ZNF264: variants seen among roughly 807,000 people sequenced by gnomAD.
ZNF264 encodes zinc finger protein 264.
A neutral mutation model predicts 11.2 loss-of-function variants in ZNF264; 11 were observed. The observed-to-expected ratio is 0.98, with a 90% CI of 0.62 to 1.63. The LOEUF (loss-of-function observed/expected upper bound fraction) is 1.63. Ranked by LOEUF, ZNF264 falls within the 40% of genes most tolerant of loss-of-function variation. The pLI is 0.00. For missense variants in ZNF264, 752 were observed against 768.1 expected, an observed-to-expected ratio of 0.98 and a Z score of 0.25; for synonymous variants, 309 against 279.8, an observed-to-expected ratio of 1.10 and a Z score of -1.04.
At position 57,220,337 on chromosome 19, in the gene ZNF264, G is replaced by T. The variant is rs1285502085; in HGVS notation, c.*7356G>T. 1 of 152,200 alleles carries T rather than the reference G, an allele frequency of 6.6e-6. No individual in the cohort carries two copies. Among genetic ancestry groups the T allele is most frequent in the African/African-American group, 2.4e-5 (1 of 41,440 alleles). The allele number at this position is 152,200 out of a possible 1,614,324, so 9.4% of individuals were successfully genotyped here. On this transcript the variant is annotated 3_prime_UTR_variant, in exon 4 of 4. Coordinates refer to ENST00000263095, the MANE Select transcript of ZNF264 (RefSeq NM_003417.5). ...TCTTTAATGGGTGCAAATATCTGTT[G>T]TAACTATGTAGAAGATACAGTGTCT... is the stretch of plus-strand genomic sequence containing the variant.
chr19:57,193,770 G>A lies in ZNF264; in HGVS notation c.34-105G>A, dbSNP rs994070639. 247 of 1,505,154 alleles carry A rather than the reference G, an allele frequency of 1.6e-4. 1 individual carries two copies. In the East Asian group the frequency reaches 5.6e-3, roughly 34 times the overall value. 93.2% of individuals were successfully genotyped at this position (1,505,154 alleles called of 1,614,324 possible). On this transcript the variant is annotated intron_variant, in intron 1 of 3. Coordinates refer to ENST00000263095, the MANE Select transcript of ZNF264 (RefSeq NM_003417.5). ...GAGCTAGGCCCTCAGGAGGTGCTCT[G>A]TGATTCAGGCCGCCATCACTGTACA...
chr19:57,198,289 C>T lies in ZNF264; in HGVS notation c.160+4288C>T, dbSNP rs554731466. Among the ~76,000 whole-genome samples the T allele has an allele frequency of 4.6e-4, 70 of 152,112 alleles. 1 individual carries two copies. Among genetic ancestry groups the T allele is most frequent in the African/African-American group, 1.5e-3 (64 of 41,354 alleles). The stretch of plus-strand genomic sequence containing the variant: ...TAATTCACAGTCATTCTCTAAGATC[C>T]GTCTGTCTTCTGCTCAGGCCAGATG... On this transcript the variant is annotated intron_variant, in intron 2 of 3. Coordinates refer to ENST00000263095, the MANE Select transcript of ZNF264 (RefSeq NM_003417.5).
At position 57,191,543 on chromosome 19, in the gene ZNF264, G is replaced by A. The variant is rs1443688290; in HGVS notation, c.-371G>A. 2 of 240,568 alleles carry A rather than the reference G, an allele frequency of 8.3e-6. No homozygotes were observed. The highest frequency in any genetic ancestry group is 7.9e-6 in the Non-Finnish European group (1 of 126,016). The allele number at this position is 240,568 out of a possible 1,614,324, so 14.9% of individuals were successfully genotyped here. On this transcript the variant is annotated 5_prime_UTR_variant, in exon 1 of 4. Transcript: ENST00000263095. ...GTCTGGAGAGGTCTGTAGCCACTGA[G>A]GGCCCCGGTCGGGGCCGCTTTGCAG...
At chr19:57,200,000 C>T in intron 2 of ZNF264, among the ~76,000 whole-genome samples, 1 of 57,944 alleles carries the variant, frequency 1.7e-5, no homozygotes, top group Non-Finnish European at 3.2e-5. Context: ...AACCTCCACT[C>T]CTAAAAAAAA....
intron 2 of ZNF264, among the ~76,000 whole-genome samples, chr19:57,204,995 A>C (rs2087281213): frequency 6.6e-6 from 1 of 151,832 alleles, no homozygotes; most frequent in Admixed American, 6.6e-5. Flanking sequence ...CACGATGTGG[A>C]CTTCCTGGGG....
Position 57,193,974 on chromosome 19 carries a change from G to A in ZNF264, c.133G>A (p.Glu45Lys). The A allele has an allele frequency of 6.2e-7, 1 of 1,613,210 alleles. No homozygotes were observed. The highest frequency in any genetic ancestry group is 8.5e-7 in the Non-Finnish European group (1 of 1,179,494). ...QRTLYQEVML[E>K]NCGLLVSLGC... is the part of the protein sequence containing the mutation. ...GACCCTGTACCAGGAGGTGATGCTG[G>A]AAAACTGTGGGCTCCTGGTGTCTCT... The change falls in exon 2 of 4, where the codon GAA (glutamate) becomes AAA (lysine). Residue 45 changes from glutamate to lysine, a missense_variant. By Grantham distance (56) the Glu-to-Lys change is moderately conservative. Coordinates refer to ENST00000263095, the MANE Select transcript of ZNF264 (RefSeq NM_003417.5).
At chr19:57,195,037 G>A in intron 2 of ZNF264, 1 of 377,570 alleles carries the variant, frequency 2.6e-6, no homozygotes, top group East Asian at 3.8e-5. Flanking sequence ...AGGATGGGAA[G>A]CCTTCAACAT....
At chr19:57,209,195 T>C (rs1175471544) in intron 3 of ZNF264, among the ~76,000 whole-genome samples, 6 of 152,164 alleles carry the variant, frequency 3.9e-5, no homozygotes, top group Non-Finnish European at 7.4e-5. Flanking sequence ...ACTTTTCTTA[T>C]ATAATTAATG....
Position 57,215,036 on chromosome 19 carries a change from T to C in ZNF264, c.*2055T>C, listed in dbSNP as rs1188536788. 6.6e-6 allele frequency: 1 copy of C among 152,254 alleles called. No homozygotes were observed. The highest frequency in any genetic ancestry group is 1.5e-5 in the Non-Finnish European group (1 of 68,030). 9.4% of individuals were successfully genotyped at this position (152,254 alleles called of 1,614,324 possible). On this transcript the variant is annotated 3_prime_UTR_variant, in exon 4 of 4. Transcript: ENST00000263095. Reference sequence around the variant, plus strand: ...TAGTTCTTTTTTCTTTTGTTTCTTATGTTCTAAATGTCTTATGTGTGGTTT... The same window carrying C: ...TAGTTCTTTTTTCTTTTGTTTCTTACGTTCTAAATGTCTTATGTGTGGTTT...
Position 57,215,023 on chromosome 19 carries a change from C to G in ZNF264, c.*2042C>G. On this transcript the variant is annotated 3_prime_UTR_variant, in exon 4 of 4. Coordinates refer to ENST00000263095, the MANE Select transcript of ZNF264 (RefSeq NM_003417.5). ...GGCTAATAATGTGTAGTTCTTTTTT[C>G]TTTTGTTTCTTATGTTCTAAATGTC... The G allele has an allele frequency of 6.6e-6, 1 of 151,696 alleles. No individual in the cohort carries two copies. The allele number at this position is 151,696 out of a possible 1,614,324, so 9.4% of individuals were successfully genotyped here.
chr19:57,192,443 T>C (rs1306339066), intron 1 of ZNF264: 24 of 985,262 alleles, frequency 2.4e-5, no homozygotes, highest in Non-Finnish European at 2.9e-5. Context: ...TTGTGGCCAG[T>C]CAGATGCCCT....
rs145051524 is a variant in ZNF264 at position 57,193,721 on chromosome 19, A to G, written c.34-154A>G. On this transcript the variant is annotated intron_variant, in intron 1 of 3. Coordinates refer to ENST00000263095, the MANE Select transcript of ZNF264 (RefSeq NM_003417.5). ...CTCTGGTATTATGTTAAAAGCATCT[A>G]TCTTCCCTCTTGAGCCCAGCACAGA... 2.4e-4 allele frequency among the ~76,000 whole-genome samples: 37 copies of G among 152,246 alleles called. No homozygotes were observed. In the East Asian group the frequency reaches 4.6e-3, roughly 19 times the overall value.
intron 2 of ZNF264, among the ~76,000 whole-genome samples, chr19:57,200,208 G>GCC (rs1433934984): frequency 6.6e-6 from 1 of 151,824 alleles, no homozygotes; most frequent in Non-Finnish European, 1.5e-5. Context: ...CTCACCAGGT[G>GCC]TCTACTGTTA....
At chr19:57,205,531 G>C (rs1444481055) in intron 3 of ZNF264, 39 bp downstream of exon 3, 3 of 1,555,956 alleles carry the variant, frequency 1.9e-6, no homozygotes, top group Non-Finnish European at 2.6e-6. Flanking sequence ...GTCCCTTCTG[G>C]CTTAAGACTG....
At chr19:57,192,515 C>G (rs537107507) in intron 1 of ZNF264, 30 of 985,238 alleles carry the variant, frequency 3.0e-5, no homozygotes, top group Non-Finnish European at 3.5e-5. Flanking sequence ...CCCAAAGTAT[C>G]CTGGCGTCAG....
Position 57,191,947 on chromosome 19 carries a change from G to A in ZNF264, c.33+1G>A, listed in dbSNP as rs781429464. ...AGCGGTGCTGACGGACCGGGCCCAG[G>A]TGAGTGGACGGTGGCTTCGCGGTTG... On this transcript the variant is annotated splice_donor_variant, in intron 1 of 3. Coordinates refer to ENST00000263095, the MANE Select transcript of ZNF264 (RefSeq NM_003417.5). LOFTEE classifies it high-confidence loss of function. 6.5e-7 allele frequency: 1 copy of A among 1,541,392 alleles called. No individual in the cohort carries two copies. The highest frequency in any genetic ancestry group is 8.8e-7 in the Non-Finnish European group (1 of 1,142,394).
intron 1 of ZNF264, among the ~76,000 whole-genome samples, chr19:57,192,953 A>G (rs191890862): frequency 7.6e-4 from 115 of 151,590 alleles, no homozygotes; most frequent in South Asian, 7.5e-3. Context: ...CTGGTCTTCA[A>G]CTCCTGGCCT....
At chr19:57,210,665 C>T (rs930573073) in intron 3 of ZNF264, among the ~76,000 whole-genome samples, 12 of 152,298 alleles carry the variant, frequency 7.9e-5, no homozygotes, top group African/African-American at 2.6e-4. Flanking sequence ...CTGTGTGGCT[C>T]GGTCTCCAGC....
Position 57,213,189 on chromosome 19 carries a change from A to G in ZNF264, c.*208A>G, listed in dbSNP as rs1373206676. The stretch of plus-strand genomic sequence containing the variant: ...GAATTATTTTTAAAAGGAGGAGGGG[A>G]CATAGAAAAAATGAAATGCAAGCAC... On this transcript the variant is annotated 3_prime_UTR_variant, in exon 4 of 4. Coordinates refer to ENST00000263095, the MANE Select transcript of ZNF264 (RefSeq NM_003417.5). 2 of 470,698 alleles carry G rather than the reference A, an allele frequency of 4.2e-6. No individual in the cohort carries two copies. Among genetic ancestry groups the G allele is most frequent in the African/African-American group, 3.9e-5 (2 of 51,746 alleles). The allele number at this position is 470,698 out of a possible 1,614,324, so 29.2% of individuals were successfully genotyped here. A position where few individuals can be genotyped will look rare whatever the true frequency, so the allele number is the denominator to read the frequency against.
Sources: allele counts gnomAD v4.1 joint callset (sites outside exome capture counted in the v4.1 genomes callset), GRCh38; gene constraint gnomAD v4.1.1; transcripts MANE v1.5; gene names NCBI Gene and HGNC (gene_info 2026-07-23, HGNC 2026-07-21).